The following MCC variants were observed in gnomAD, a reference collection of about 807,000 sequenced individuals.
The protein encoded by MCC is colorectal mutant cancer protein.
MCC carries 90 observed loss-of-function variants against 116.2 expected under a neutral mutation model. That is an observed-to-expected ratio of 0.77 (90% CI 0.65 to 0.92). The LOEUF (loss-of-function observed/expected upper bound fraction) is 0.92, where lower values mean the gene tolerates loss of function less well. Ranked by LOEUF, MCC falls within the 40% of genes least tolerant of loss-of-function variation. The probability of loss-of-function intolerance (pLI) is 0.00; values close to 1 mark genes in which losing one functional copy is unlikely to be tolerated. For synonymous variants in MCC, 578 were observed against 510.5 expected, an observed-to-expected ratio of 1.13 and a Z score of -1.78; for missense variants, 1,516 against 1,312.2, an observed-to-expected ratio of 1.16 and a Z score of -2.40.
intron 3 of MCC, among the ~76,000 whole-genome samples, chr5:113,166,600 A>T (rs1030536241): frequency 6.6e-6 from 1 of 151,956 alleles, no homozygotes; most frequent in Non-Finnish European, 1.5e-5. Flanking sequence ...GAGTCTTCGT[A>T]ATAGAGTTTA....
intron 17 of MCC, among the ~76,000 whole-genome samples, chr5:113,042,236 C>A (rs80187449): frequency 2.0e-5 from 3 of 150,442 alleles, no homozygotes; most frequent in African/African-American, 7.4e-5. Flanking sequence ...TTTTGGGAGG[C>A]CAAGATGGGA....
intron 6 of MCC, among the ~76,000 whole-genome samples, chr5:113,106,928 G>A (rs1756771750): frequency 1.3e-5 from 2 of 152,128 alleles, no homozygotes; most frequent in South Asian, 4.2e-4. Context: ...CTAAAGCATG[G>A]AGTTTCACCT....
intron 6 of MCC, among the ~76,000 whole-genome samples, chr5:113,109,756 C>T (rs1231837317): frequency 1.3e-5 from 2 of 152,024 alleles, no homozygotes; most frequent in Admixed American, 1.3e-4. Flanking sequence ...GCAGCACATT[C>T]AGAAAGGATT....
chr5:113,042,543 A>G (rs1244484183), intron 17 of MCC, among the ~76,000 whole-genome samples: 1 of 151,686 alleles, frequency 6.6e-6, no homozygotes, highest in African/African-American at 2.4e-5. Context: ...TATCACTAAA[A>G]AAGAGATGAC....
Position 113,071,136 on chromosome 5 carries a change from T to A in MCC, c.1883A>T (p.Tyr628Phe). The A allele has an allele frequency of 6.2e-7, 1 of 1,614,186 alleles. No individual in the cohort carries two copies. The highest frequency in any genetic ancestry group is 8.5e-7 in the Non-Finnish European group (1 of 1,180,032). The part of the protein sequence containing the change: ...AERMSMLVGK[Y>F]ESNATALRLA... ...CCTCAGCGCTGTGGCATTGGATTCGTATTTTCCCACCAGCATGCTCATCCT... is the reference window on the plus strand; with the variant it reads ...CCTCAGCGCTGTGGCATTGGATTCGAATTTTCCCACCAGCATGCTCATCCT... The change falls in exon 12 of 19, where the codon TAC (tyrosine) becomes TTC (phenylalanine). Residue 628 changes from tyrosine (Y) to phenylalanine (F), a missense_variant. Physicochemically the swap from Tyr to Phe is conservative, Grantham distance 22. Transcript: ENST00000408903.
At chr5:113,324,851 G>C (rs1044677789) in intron 3 of MCC, among the ~76,000 whole-genome samples, 2 of 146,318 alleles carry the variant, frequency 1.4e-5, no homozygotes, top group African/African-American at 5.0e-5. Flanking sequence ...TTTTTTTTTG[G>C]AGACAGGGTC....
chr5:113,064,966 G>C (rs1430055875), intron 13 of MCC, among the ~76,000 whole-genome samples: 2 of 152,148 alleles, frequency 1.3e-5, no homozygotes, highest in African/African-American at 2.4e-5. Flanking sequence ...ATACAGCCTG[G>C]GTAACAGAGC....
rs111806437 is a variant in MCC at position 113,171,005 on chromosome 5, G to A, written c.628-19583C>T. ...GCGTCCCTAAAGCTTTGGCTTCAGT[G>A]GCTCTCCTGAACCATTTCTGTTTGT... On this transcript the variant is annotated intron_variant, in intron 3 of 18. Transcript: ENST00000408903. Among the ~76,000 whole-genome samples, 803 of 152,126 alleles carry A rather than the reference G, an allele frequency of 5.3e-3. 10 individuals carry two copies. Among genetic ancestry groups the A allele is most frequent in the African/African-American group, 0.018 (752 of 41,510 alleles).
rs1034927511 is a variant in MCC at position 113,044,569 on chromosome 5, A to C, written c.2656-939T>G. 8.2e-6 allele frequency: 6 copies of C among 731,780 alleles called. No individual in the cohort carries two copies. The African/African-American group carries it at 1.1e-4, about 14-fold the overall frequency. 45.3% of individuals were successfully genotyped at this position (731,780 alleles called of 1,614,324 possible). A position where few individuals can be genotyped will look rare whatever the true frequency, so the allele number is the denominator to read the frequency against. On this transcript the variant is annotated intron_variant, in intron 16 of 18. Coordinates refer to ENST00000408903, the MANE Select transcript of MCC (RefSeq NM_001085377.2). ...CTGTTGCAGGAGATGGAATGTAAAC[A>C]GATATTTTTTTGTTTGTTTTTTGAG...
intron 3 of MCC, among the ~76,000 whole-genome samples, chr5:113,301,505 G>C (rs565759644): frequency 2.0e-5 from 3 of 152,070 alleles, no homozygotes; most frequent in African/African-American, 4.8e-5. Flanking sequence ...AGGGCAACAA[G>C]AGTGAAATTC....
intron 3 of MCC, among the ~76,000 whole-genome samples, chr5:113,241,680 T>C (rs1554070006): frequency 6.6e-6 from 1 of 152,190 alleles, no homozygotes; most frequent in Non-Finnish European, 1.5e-5. Flanking sequence ...CCTCAGTTAC[T>C]ACAGGCTTTG....
chr5:113,212,136 C>A (rs1471529333), intron 3 of MCC, among the ~76,000 whole-genome samples: 1 of 152,144 alleles, frequency 6.6e-6, no homozygotes, highest in African/African-American at 2.4e-5. Context: ...AACTAACATT[C>A]CACTAGTTCT....
At chr5:113,081,074 C>T (rs1395495513) in intron 11 of MCC, among the ~76,000 whole-genome samples, 1 of 152,032 alleles carries the variant, frequency 6.6e-6, no homozygotes, top group African/African-American at 2.4e-5. Flanking sequence ...GTAGGGATGA[C>T]CCCCCCTCCC....
chr5:113,046,834 C>T (rs1018829347), intron 16 of MCC, among the ~76,000 whole-genome samples: 1 of 152,180 alleles, frequency 6.6e-6, no homozygotes, highest in African/African-American at 2.4e-5. Flanking sequence ...TCACCTCCCC[C>T]AGCCTTGGGC....
At chr5:113,033,649 C>G (rs1751116160) in intron 17 of MCC, among the ~76,000 whole-genome samples, 1 of 152,168 alleles carries the variant, frequency 6.6e-6, no homozygotes, top group African/African-American at 2.4e-5. Flanking sequence ...GTAATGTATT[C>G]ATACAGTGTT....
Position 113,278,364 on chromosome 5 carries a change from C to G in MCC, c.627+62155G>C, listed in dbSNP as rs184184186. ...GGGTCAGGCACTATTAGGCACTATG[C>G]AGGTACTAGGGTCAATGGTGAATAA... On this transcript the variant is annotated intron_variant, in intron 3 of 18. Transcript: ENST00000408903. Among the ~76,000 whole-genome samples the G allele has an allele frequency of 9.6e-4, 146 of 152,266 alleles. 1 individual carries two copies. Among genetic ancestry groups the G allele is most frequent in the Non-Finnish European group, 1.6e-3 (112 of 68,032 alleles).
intron 1 of MCC, among the ~76,000 whole-genome samples, chr5:113,476,116 C>T (rs1023785841): frequency 6.6e-5 from 10 of 152,116 alleles, no homozygotes; most frequent in Admixed American, 1.3e-4. Flanking sequence ...TAAAAATGCA[C>T]GTGAACGAAT....
intron 1 of MCC, among the ~76,000 whole-genome samples, chr5:113,485,275 G>A (rs348959): frequency 0.67 from 102,253 of 152,026 alleles, 36,423 homozygotes; most frequent in African/African-American, 0.92. Context: ...AGGGTTCAGC[G>A]GAGGACCAGA....
At position 113,196,093 on chromosome 5, in the gene MCC, G is replaced by A. The variant is rs569888805; in HGVS notation, c.628-44671C>T. Among the ~76,000 whole-genome samples, 12 of 152,330 alleles carry A rather than the reference G, an allele frequency of 7.9e-5. No homozygotes were observed. The South Asian group carries it at 2.5e-3, about 32-fold the overall frequency. On this transcript the variant is annotated intron_variant, in intron 3 of 18. Coordinates refer to ENST00000408903, the MANE Select transcript of MCC (RefSeq NM_001085377.2). ...CGATTGTTTACTTGTGCCTCGGTTG[G>A]CACATAGTGTCTTTCACTGGAGTCA...
Sources: allele counts gnomAD v4.1 joint callset (sites outside exome capture counted in the v4.1 genomes callset), GRCh38; gene constraint gnomAD v4.1.1; transcripts MANE v1.5; gene names NCBI Gene and HGNC (gene_info 2026-07-23, HGNC 2026-07-21).